RTN3: variants seen among roughly 807,000 people sequenced by gnomAD.
The protein encoded by RTN3 is reticulon 3.
Under a neutral mutation model 77.8 loss-of-function variants are expected in RTN3, and 49 were observed. The observed-to-expected ratio is 0.63, with a 90% CI of 0.50 to 0.80. The LOEUF is 0.80. Ranked by LOEUF, RTN3 falls within the 30% of genes least tolerant of loss-of-function variation. The pLI, the probability that RTN3 is intolerant of heterozygous loss-of-function variation, is 0.00. For missense variants in RTN3, 1,236 were observed against 1,211.9 expected (o/e 1.02, Z -0.29); for synonymous variants, 464 against 446.9 (o/e 1.04, Z -0.48).
chr11:63,737,830 A>G (rs1482710820), intron 3 of RTN3, among the ~76,000 whole-genome samples: 1 of 152,230 alleles, frequency 6.6e-6, no homozygotes, highest in East Asian at 1.9e-4. Flanking sequence ...AGGGGTTCCT[A>G]CATATTTCTC....
rs571858032 is a variant in RTN3 at position 63,741,539 on chromosome 11, G to A, written c.2531-8452G>A. On this transcript the variant is annotated intron_variant, in intron 3 of 8. Coordinates refer to ENST00000377819, the MANE Select transcript of RTN3 (RefSeq NM_001265589.2). ...TTTTGAGACAGCGTCTCATTCTATT[G>A]CCCAGGCTGGAATGCAGTGGCATGA... 2.0e-5 allele frequency among the ~76,000 whole-genome samples: 3 copies of A among 147,840 alleles called. No homozygotes were observed. In the Admixed American group the frequency reaches 2.1e-4, roughly 10 times the overall value.
At chr11:63,712,610 C>G (rs1056590413) in intron 2 of RTN3, among the ~76,000 whole-genome samples, 30 of 151,476 alleles carry the variant, frequency 2.0e-4, no homozygotes, top group Middle Eastern at 3.4e-3. Context: ...CTCAGTCTCC[C>G]GAGTAGCTGG....
intron 1 of RTN3, among the ~76,000 whole-genome samples, chr11:63,703,227 A>G (rs532419556): frequency 9.2e-5 from 14 of 152,340 alleles, no homozygotes; most frequent in Non-Finnish European, 1.6e-4. Flanking sequence ...TGATGTGTGT[A>G]GGTTATATGC....
intron 3 of RTN3, 62 bp downstream of exon 3, chr11:63,721,094 G>A: frequency 7.0e-7 from 1 of 1,422,028 alleles, no homozygotes; most frequent in Non-Finnish European, 9.5e-7. Flanking sequence ...TTATCAGCGT[G>A]CCATTTATGT....
intron 1 of RTN3, among the ~76,000 whole-genome samples, chr11:63,703,651 T>C (rs1942356289): frequency 6.6e-6 from 1 of 151,448 alleles, no homozygotes; most frequent in African/African-American, 2.4e-5. Context: ...CACGCCATTC[T>C]CCTGCCTCAG....
chr11:63,751,965 C>T (rs1341537987), intron 4 of RTN3, among the ~76,000 whole-genome samples: 1 of 152,016 alleles, frequency 6.6e-6, no homozygotes, highest in Non-Finnish European at 1.5e-5. Flanking sequence ...GCACTCCAAC[C>T]TGGGCAACTG....
chr11:63,736,925 A>G (rs954215607), intron 3 of RTN3, among the ~76,000 whole-genome samples: 1 of 152,046 alleles, frequency 6.6e-6, no homozygotes, highest in African/African-American at 2.4e-5. Context: ...AGTGTTATAC[A>G]AGGCATGTAC....
Position 63,704,954 on chromosome 11 carries a change from A to G in RTN3, c.199+47A>G, listed in dbSNP as rs767958492. 8.5e-6 allele frequency: 12 copies of G among 1,409,068 alleles called. No homozygotes were observed. The African/African-American group carries it at 1.7e-4, about 20-fold the overall frequency. The allele number at this position is 1,409,068 out of a possible 1,614,324, so 87.3% of individuals were successfully genotyped here. On this transcript the variant is annotated intron_variant, in intron 2 of 8. Coordinates refer to ENST00000377819, the MANE Select transcript of RTN3 (RefSeq NM_001265589.2). ...GTGCATTGGTAAAAGAAAAATGTTG[A>G]GAAAGAGGCTGTAACTGGGGATACG... is the stretch of plus-strand genomic sequence containing the variant.
At chr11:63,704,986 A>G in intron 2 of RTN3, 79 bp downstream of exon 2, 1 of 1,044,634 alleles carries the variant, frequency 9.6e-7, no homozygotes, top group East Asian at 2.4e-5. Context: ...TACGAGGCAC[A>G]AGTCTTCTAT....
intron 1 of RTN3, among the ~76,000 whole-genome samples, chr11:63,687,727 A>G (rs1179863262): frequency 1.3e-5 from 2 of 152,192 alleles, no homozygotes; most frequent in African/African-American, 4.8e-5. Context: ...ACCTAGACAC[A>G]TTTGCTTTGT....
In RTN3 at chr11:63,718,732, C is replaced by T. The variant is rs759845680; in HGVS notation, c.230C>T (p.Pro77Leu). 1.9e-6 allele frequency: 3 copies of T among 1,597,366 alleles called. No homozygotes were observed. Among genetic ancestry groups the T allele is most frequent in the Non-Finnish European group, 1.7e-6 (2 of 1,175,338 alleles). ...EGLSSLCSDE[P>L]SSEIMTSSFL... ...TTGAGCTCTCTTTGCTCTGATGAGC[C>T]ATCTTCAGAAATTATGACTTCTTCC... Residue 77 changes from proline to leucine, a missense_variant, in exon 3 of 9, where the codon CCA becomes CTA. Physicochemically the swap from Pro to Leu is moderately conservative, Grantham distance 98. Around this residue, in one of 3 missense-constraint regions of RTN3, gnomAD observed 1,056 missense variants for 990.4 expected, o/e 1.07. Transcript: ENST00000377819.
Position 63,726,676 on chromosome 11 carries a change from G to A in RTN3, c.2530+5644G>A, listed in dbSNP as rs577047684. On this transcript the variant is annotated intron_variant, in intron 3 of 8. Transcript: ENST00000377819. ...AGGAGTTCAAGACCAGCCTGGTCAA[G>A]CTGGTGAAACCCCATCTCTACTAAA... Among the ~76,000 whole-genome samples the A allele has an allele frequency of 8.5e-5, 13 of 152,110 alleles. No individual in the cohort carries two copies. The East Asian group carries it at 2.1e-3, about 25-fold the overall frequency.
chr11:63,705,721 A>G (rs184815363), intron 2 of RTN3, among the ~76,000 whole-genome samples: 134 of 152,336 alleles, frequency 8.8e-4, no homozygotes, highest in South Asian at 1.7e-3. Context: ...CAAACATTGA[A>G]CAAGTCAGTT....
chr11:63,750,455 C>CT (rs200090732), intron 4 of RTN3: 42,317 of 294,328 alleles, frequency 0.14, 1,106 homozygotes, highest in South Asian at 0.18. Context: ...ACTCTAAATT[C>CT]TTTTTTTTTT....
At chr11:63,712,356 T>TTATTAACA (rs2011182995) in intron 2 of RTN3, among the ~76,000 whole-genome samples, 1 of 152,192 alleles carries the variant, frequency 6.6e-6, no homozygotes, top group Non-Finnish European at 1.5e-5. Flanking sequence ...ACTGTGAACA[T>TTATTAACA]GTATTAACTC....
chr11:63,696,543 A>T (rs1020569845), intron 1 of RTN3, among the ~76,000 whole-genome samples: 27 of 118,350 alleles, frequency 2.3e-4, no homozygotes, highest in South Asian at 8.7e-4. Context: ...CCCTGTCACT[A>T]TTTTTTTTTT....
At chr11:63,702,312 T>A (rs1385634335) in intron 1 of RTN3, among the ~76,000 whole-genome samples, 1 of 151,468 alleles carries the variant, frequency 6.6e-6, no homozygotes, top group Non-Finnish European at 1.5e-5. Flanking sequence ...TTTTGTTTTT[T>A]TGTTTTTTTG....
chr11:63,703,024 G>A (rs776795365), intron 1 of RTN3, among the ~76,000 whole-genome samples: 11 of 152,038 alleles, frequency 7.2e-5, no homozygotes, highest in Non-Finnish European at 1.5e-4. Context: ...GATGGACTAT[G>A]TCTACGTATA....
chr11:63,725,404 T>C (rs1054040594), intron 3 of RTN3, among the ~76,000 whole-genome samples: 10 of 152,096 alleles, frequency 6.6e-5, no homozygotes, highest in African/African-American at 2.4e-4. Context: ...TTTTTGCTAT[T>C]ATAGACAGCG....
Sources: gnomAD v4.1 joint callset for allele counts (sites outside exome capture counted in the v4.1 genomes callset) on GRCh38, gnomAD v4.1.1 for gene constraint, gnomAD v4.1.1 regional missense constraint, MANE v1.5 for transcripts, NCBI Gene and HGNC (gene_info 2026-07-23, HGNC 2026-07-21) for gene names.